The following GRHPR variants were observed in gnomAD, a reference collection of about 807,000 sequenced individuals.
GRHPR encodes the protein glyoxylate and hydroxypyruvate reductase.
In GRHPR, 35 loss-of-function variants were observed where a neutral mutation model predicts 36.8. The ratio of observed to expected loss-of-function variants is 0.95; its 90% CI spans 0.73 to 1.26. The LOEUF (loss-of-function observed/expected upper bound fraction) is 1.26, where lower values mean the gene tolerates loss of function less well. GRHPR is among the 50% of genes most tolerant of loss of function. The pLI, the probability that GRHPR is intolerant of heterozygous loss-of-function variation, is 0.00. For missense variants in GRHPR, 380 were observed against 435.0 expected (o/e 0.87, Z 1.12); for synonymous variants, 179 against 181.0 (o/e 0.99, Z 0.09).
rs374946454 is a variant in GRHPR, at chr9:37,432,003, C to T, written c.735-5C>T. The T allele has an allele frequency of 1.3e-5, 21 of 1,613,846 alleles. No individual in the cohort carries two copies. The highest frequency in any genetic ancestry group is 2.2e-5 in the East Asian group (1 of 44,902). On this transcript the variant is annotated splice_region_variant and splice_polypyrimidine_tract_variant and intron_variant, in intron 7 of 8. Transcript: ENST00000318158. ...GGGTACCCATGTCACCACTGTCATTCCCAGGGGCGACGTCGTAAACCAGGA... is the reference window on the plus strand; with the variant it reads ...GGGTACCCATGTCACCACTGTCATTTCCAGGGGCGACGTCGTAAACCAGGA...
chr9:37,430,582 G>T lies in GRHPR; in HGVS notation c.670G>T (p.Gly224Ter). The T allele has an allele frequency of 6.2e-7, 1 of 1,613,554 alleles. No individual in the cohort carries two copies. ...VACSLTPATEGLCNKDFFQKM... is the reference protein window; with the variant it reads ...VACSLTPATE Reference sequence around the variant, plus strand: ...CTGCTCCTTAACACCTGCAACCGAGGGACTCTGCAACAAGGACTTCTTCCA... The same window carrying T: ...CTGCTCCTTAACACCTGCAACCGAGTGACTCTGCAACAAGGACTTCTTCCA... Residue 224 changes from glycine (G) to a stop codon, truncating the protein, a stop_gained, in exon 7 of 9, where the codon GGA becomes TGA. Coordinates refer to ENST00000318158, the MANE Select transcript of GRHPR (RefSeq NM_012203.2). LOFTEE classifies it high-confidence loss of function.
At chr9:37,428,787 A>C in intron 5 of GRHPR, 1 of 682,682 alleles carries the variant, frequency 1.5e-6, no homozygotes, top group Non-Finnish European at 2.7e-6. Context: ...CAGGTGATAA[A>C]AGCAAGTTGC....
chr9:37,431,081 T>C (rs1194757786), intron 7 of GRHPR: 2 of 469,964 alleles, frequency 4.3e-6, no homozygotes, highest in Non-Finnish European at 8.8e-6. Flanking sequence ...GGACAGACCC[T>C]AAAACTCACG....
intron 1 of GRHPR, 143 bp from the exon 2 acceptor site, chr9:37,424,702 C>T (rs1822990978): frequency 2.2e-6 from 2 of 912,916 alleles, no homozygotes; most frequent in Non-Finnish European, 3.3e-6. Context: ...AGTTCTGAGA[C>T]CACCCCTGCC....
chr9:37,422,861 GGAGCAGGGCGGTCCCAGGGACCGGA>G (rs1822900084), intron 1 of GRHPR, 28 bp downstream of exon 1: 4 of 1,513,916 alleles, frequency 2.6e-6, no homozygotes, highest in Non-Finnish European at 9.0e-7. Flanking sequence ...CGTGGAGGAG[GGAGCAGGGCGGTCCCAGGGACCGGA>G]GAGCCGGGCG....
At chr9:37,422,969 C>T (rs547588646) in intron 1 of GRHPR, 136 bp downstream of exon 1, 4 of 647,642 alleles carry the variant, frequency 6.2e-6, no homozygotes, top group Non-Finnish European at 1.1e-5. Context: ...TTCTCTGGGG[C>T]CCAGTTCTCC....
chr9:37,424,830 T>C lies in GRHPR; in HGVS notation c.84-15T>C. On this transcript the variant is annotated splice_polypyrimidine_tract_variant and intron_variant, in intron 1 of 8. Coordinates refer to ENST00000318158, the MANE Select transcript of GRHPR (RefSeq NM_012203.2). ...GCGGCTCCTGCTTCTCCTGAGGGCC[T>C]CCCTTTCCCCGCAGCTGTGAGGTGG... 6.2e-7 allele frequency: 1 copy of C among 1,612,194 alleles called. No homozygotes were observed. The highest frequency in any genetic ancestry group is 8.5e-7 in the Non-Finnish European group (1 of 1,179,566).
intron 4 of GRHPR, chr9:37,428,030 A>G (rs1823168356): frequency 3.4e-6 from 1 of 291,244 alleles, no homozygotes; most frequent in East Asian, 8.7e-5. Flanking sequence ...GAGTCATCAC[A>G]TCTACTGGAG....
At chr9:37,424,754 C>T (rs999458729) in intron 1 of GRHPR, 91 bp from the exon 2 acceptor site, 5 of 1,496,798 alleles carry the variant, frequency 3.3e-6, no homozygotes, top group Non-Finnish European at 4.5e-6. Flanking sequence ...AGCCTGAGGC[C>T]AGGGCCATCA....
At chr9:37,422,572 C>T, upstream of GRHPR, 1 of 652,486 alleles carries the variant, frequency 1.5e-6, no homozygotes, top group Non-Finnish European at 2.8e-6. Flanking sequence ...TGTCACTCCC[C>T]GAGCACGCAC....
At chr9:37,434,115 C>A in intron 8 of GRHPR, 1 of 397,774 alleles carries the variant, frequency 2.5e-6, no homozygotes, top group South Asian at 1.3e-4. Context: ...AGAGGGCAGT[C>A]AGGGCATGAA....
At chr9:37,426,394 C>T (rs534671924) in intron 3 of GRHPR, 144 bp from the exon 4 acceptor site, 40 of 762,334 alleles carry the variant, frequency 5.2e-5, no homozygotes, top group East Asian at 2.7e-4. Context: ...GAGGACTGCC[C>T]GTTTTTGAGT....
At chr9:37,426,020 G>T (rs759026496) in intron 3 of GRHPR, 26 bp downstream of exon 3, 1 of 1,515,960 alleles carries the variant, frequency 6.6e-7, no homozygotes, top group African/African-American at 1.4e-5. Context: ...GATCTGGAGG[G>T]GGCCTAGAGA....
At chr9:37,432,521 T>C (rs542815407) in intron 8 of GRHPR, 3 of 295,486 alleles carry the variant, frequency 1.0e-5, no homozygotes, top group South Asian at 9.7e-5. Flanking sequence ...CTACTAAAAA[T>C]ACAAAAATTA....
chr9:37,423,081 G>A (rs1358471762), intron 1 of GRHPR, among the ~76,000 whole-genome samples: 1 of 152,200 alleles, frequency 6.6e-6, no homozygotes, highest in African/African-American at 2.4e-5. Flanking sequence ...AGGACATGTG[G>A]GGTCAGGGAC....
intron 8 of GRHPR, among the ~76,000 whole-genome samples, chr9:37,436,140 CCT>C (rs972607091): frequency 6.6e-6 from 1 of 152,114 alleles, no homozygotes; most frequent in African/African-American, 2.4e-5. Context: ...ACAGAGTCTC[CCT>C]CTGTCATCCA....
At chr9:37,430,929 G>A in intron 7 of GRHPR, 1 of 555,292 alleles carries the variant, frequency 1.8e-6, no homozygotes, top group Non-Finnish European at 3.5e-6. Context: ...TTCCCAGGGA[G>A]CCTCTGCAGG....
At position 37,429,786 on chromosome 9, in the gene GRHPR, C is replaced by A; in HGVS notation, c.548C>A (p.Thr183Lys). The A allele has an allele frequency of 3.1e-6, 5 of 1,613,376 alleles. No homozygotes were observed. The highest frequency in any genetic ancestry group is 4.2e-6 in the Non-Finnish European group (5 of 1,179,232). ...KPFGVQRFLYTGRQPRPEEAA... is the reference protein window; with the variant it reads ...KPFGVQRFLYKGRQPRPEEAA... Reference sequence around the variant, plus strand: ...TTCGGTGTCCAGAGATTTCTGTACACAGGGCGCCAGCCCAGGCCTGAGGAA... The same window carrying A: ...TTCGGTGTCCAGAGATTTCTGTACAAAGGGCGCCAGCCCAGGCCTGAGGAA... Residue 183 changes from threonine (T) to lysine (K), a missense_variant, in exon 6 of 9, where the codon ACA becomes AAA. Physicochemically the swap from Thr to Lys is moderately conservative, Grantham distance 78. Transcript: ENST00000318158.
chr9:37,425,543 AGGAGAGGGT>A (rs1179850339), intron 2 of GRHPR, among the ~76,000 whole-genome samples: 1 of 152,238 alleles, frequency 6.6e-6, no homozygotes, highest in African/African-American at 2.4e-5. Context: ...TCCTGCTTGC[AGGAGAGGGT>A]AGAGAGGGTC....
Sources: gnomAD v4.1 joint callset for allele counts (sites outside exome capture counted in the v4.1 genomes callset) on GRCh38, gnomAD v4.1.1 for gene constraint, MANE v1.5 for transcripts, NCBI Gene and HGNC (gene_info 2026-07-23, HGNC 2026-07-21) for gene names.